CFAP53: variants seen among roughly 807,000 people sequenced by gnomAD.
CFAP53 encodes cilia- and flagella-associated protein 53.
Under a neutral mutation model 59.7 loss-of-function variants are expected in CFAP53, and 62 were observed. That is an observed-to-expected ratio of 1.04 (90% CI 0.85 to 1.28). The LOEUF (loss-of-function observed/expected upper bound fraction) is 1.28, where lower values mean the gene tolerates loss of function less well. Ranked by LOEUF, CFAP53 falls within the 50% of genes most tolerant of loss-of-function variation. The pLI is 0.00. For synonymous variants in CFAP53, 218 were observed against 205.7 expected (o/e 1.06, Z -0.51); for missense variants, 629 against 615.6 (o/e 1.02, Z -0.23).
intron 7 of CFAP53, among the ~76,000 whole-genome samples, chr18:50,236,302 A>G (rs113006401): frequency 6.6e-6 from 1 of 151,998 alleles, no homozygotes; most frequent in Non-Finnish European, 1.5e-5. Flanking sequence ...TACTTTCTCT[A>G]GTTAATCTGC....
In CFAP53 at chr18:50,242,972, G is replaced by A. The variant is rs750818469; in HGVS notation, c.1141C>T (p.Leu381Phe). Residue 381 changes from leucine to phenylalanine, a missense_variant, in exon 6 of 8, where the codon CTT becomes TTT. By Grantham distance (22) the Leu-to-Phe change is conservative. Coordinates refer to ENST00000398545, the MANE Select transcript of CFAP53 (RefSeq NM_145020.5). ...KLAEKDKELRLEKEARRQLVD... is the reference protein window; with the variant it reads ...KLAEKDKELRFEKEARRQLVD... ...AGCTGTCTCCTTGCCTCCTTTTCAA[G>A]TCTCAGCTCCTTGTCCTTCTCAGCC... 1.2e-6 allele frequency: 2 copies of A among 1,614,004 alleles called. No homozygotes were observed. Among genetic ancestry groups the A allele is most frequent in the Admixed American group, 1.7e-5 (1 of 60,016 alleles).
In CFAP53 at chr18:50,249,018, C is replaced by T. The variant is rs1006802593; in HGVS notation, c.996+1740G>A. On this transcript the variant is annotated intron_variant, in intron 5 of 7. Coordinates refer to ENST00000398545, the MANE Select transcript of CFAP53 (RefSeq NM_145020.5). ...AGGAGTTTGAGACCAGCCTGGCCAA[C>T]GTGGCGAAACGCTGTCTCTACTAAA... is the stretch of plus-strand genomic sequence containing the variant. Among the ~76,000 whole-genome samples the T allele has an allele frequency of 1.6e-4, 24 of 151,590 alleles. 1 individual carries two copies. The highest frequency in any genetic ancestry group is 1.2e-3 in the Admixed American group (18 of 15,198).
intron 5 of CFAP53, among the ~76,000 whole-genome samples, chr18:50,245,408 A>C (rs1349757223): frequency 5.4e-5 from 8 of 147,752 alleles, no homozygotes; most frequent in South Asian, 2.1e-4. Flanking sequence ...AAAAAAAAAA[A>C]ACTAATAAAC....
chr18:50,258,241 G>A (rs112127052), intron 3 of CFAP53, among the ~76,000 whole-genome samples: 35 of 152,174 alleles, frequency 2.3e-4, no homozygotes, highest in African/African-American at 7.9e-4. Context: ...GCATGGTACT[G>A]GCATAAAAAC....
intron 5 of CFAP53, among the ~76,000 whole-genome samples, chr18:50,248,576 G>A (rs537659506): frequency 1.3e-4 from 20 of 152,172 alleles, no homozygotes; most frequent in Admixed American, 1.2e-3. Flanking sequence ...TTGAGGTTGG[G>A]AGTTTGAGAC....
chr18:50,240,504 G>A (rs974364913), intron 6 of CFAP53, among the ~76,000 whole-genome samples: 3 of 152,200 alleles, frequency 2.0e-5, no homozygotes, highest in Non-Finnish European at 2.9e-5. Flanking sequence ...GGCCACGTGA[G>A]TCAGGAATAA....
intron 5 of CFAP53, 151 bp downstream of exon 5, chr18:50,250,607 T>C (rs1037470274): frequency 7.8e-6 from 5 of 642,022 alleles, no homozygotes; most frequent in Non-Finnish European, 1.4e-5. Flanking sequence ...AATTTCTGTT[T>C]CTAACATTTT....
intron 1 of CFAP53, among the ~76,000 whole-genome samples, 178 bp downstream of exon 1, chr18:50,266,158 G>C (rs1199991807): frequency 1.3e-5 from 2 of 152,246 alleles, no homozygotes; most frequent in African/African-American, 4.8e-5. Flanking sequence ...TGGGTGAGAG[G>C]TGGGGTAGAT....
At chr18:50,245,062 C>CAA (rs11358725) in intron 5 of CFAP53, among the ~76,000 whole-genome samples, 1 of 81,688 alleles carries the variant, frequency 1.2e-5, no homozygotes, top group African/African-American at 4.8e-5. Flanking sequence ...GACTCTATCT[C>CAA]AAAAAAAAAA....
At chr18:50,246,231 G>A (rs567603535) in intron 5 of CFAP53, among the ~76,000 whole-genome samples, 1 of 152,222 alleles carries the variant, frequency 6.6e-6, no homozygotes, top group African/African-American at 2.4e-5. Flanking sequence ...ACAAAGCTAC[G>A]GTAATCAAGA....
At position 50,244,406 on chromosome 18, in the gene CFAP53, GT is replaced by G. The variant is rs1457630910; in HGVS notation, c.997-1291del. Among the ~76,000 whole-genome samples, 3 of 152,068 alleles carry G rather than the reference GT, an allele frequency of 2.0e-5. No homozygotes were observed. In the South Asian group the frequency reaches 6.2e-4, roughly 32 times the overall value. ...GACGTGCCTTGCTTCCCCTTCCACT[GT>G]GATTTTAAGTTTCCTGAGCCTTCCC... On this transcript the variant is annotated intron_variant, in intron 5 of 7. Transcript: ENST00000398545.
At chr18:50,245,313 C>T (rs1353385107) in intron 5 of CFAP53, among the ~76,000 whole-genome samples, 10 of 143,900 alleles carry the variant, frequency 6.9e-5, no homozygotes, top group African/African-American at 1.8e-4. Context: ...ACCCAGGAAG[C>T]GGAGCTTGCA....
intron 6 of CFAP53, 89 bp downstream of exon 6, chr18:50,242,811 A>C: frequency 9.3e-7 from 1 of 1,077,122 alleles, no homozygotes; most frequent in Non-Finnish European, 1.4e-6. Context: ...GGTGTTTTAC[A>C]TAATAAGTAT....
chr18:50,250,970 T>C lies in CFAP53; in HGVS notation c.784A>G (p.Asn262Asp), dbSNP rs2033793481. The C allele has an allele frequency of 6.2e-7, 1 of 1,613,518 alleles. No individual in the cohort carries two copies. Among genetic ancestry groups the C allele is most frequent in the African/African-American group, 1.3e-5 (1 of 74,918 alleles). Residue 262 changes from asparagine to aspartate, a missense_variant, in exon 5 of 8, where the codon AAC (asparagine) becomes GAC (aspartate). Asn to Asp is a conservative substitution (Grantham distance 23). Transcript: ENST00000398545. ...KEEEARLVESNNAQIKHENEQ... is the reference protein window; with the variant it reads ...KEEEARLVESDNAQIKHENEQ... ...TTCTCATGTTTAATCTGTGCGTTGT[T>C]ACTTTCCTAAGGTAGAATCATAATA...
chr18:50,237,075 G>A (rs2033640972), intron 7 of CFAP53, among the ~76,000 whole-genome samples: 1 of 151,246 alleles, frequency 6.6e-6, no homozygotes, highest in South Asian at 2.1e-4. Flanking sequence ...GGGAGTCCGA[G>A]GTGGGTGGAT....
chr18:50,264,006 T>C (rs2033916373), intron 1 of CFAP53, among the ~76,000 whole-genome samples: 1 of 152,250 alleles, frequency 6.6e-6, no homozygotes, highest in African/African-American at 2.4e-5. Context: ...CTGTTCAATA[T>C]AAATATAATG....
At position 50,261,201 on chromosome 18, in the gene CFAP53, A is replaced by ATT; in HGVS notation, c.335_336insAA (p.Tyr112Ter). 3 of 1,575,450 alleles carry ATT rather than the reference A, an allele frequency of 1.9e-6. No homozygotes were observed. Among genetic ancestry groups the ATT allele is most frequent in the Non-Finnish European group, 2.6e-6 (3 of 1,169,740 alleles). Residue 112 changes from tyrosine to a stop codon, truncating the protein, a stop_gained and frameshift_variant, in exon 3 of 8, where the codon TAT (tyrosine) becomes TAAAT (stop). Transcript: ENST00000398545. LOFTEE classifies it high-confidence loss of function. ...CTTTCTTCAATTGCATTTCTGTAAA[A>ATT]TACTCATTTTCTTCTAATGCTAAAA... ...RELLALEENE[Y>*]FTEMQLKKET...
At chr18:50,232,937 T>C (rs912072888) in intron 7 of CFAP53, among the ~76,000 whole-genome samples, 4 of 152,220 alleles carry the variant, frequency 2.6e-5, no homozygotes, top group African/African-American at 4.8e-5. Flanking sequence ...GAAAGACAGT[T>C]TCTAACATCC....
At chr18:50,229,740 C>CTTTTT (rs141422966) in intron 7 of CFAP53, among the ~76,000 whole-genome samples, 1 of 135,984 alleles carries the variant, frequency 7.4e-6, no homozygotes, top group African/African-American at 2.7e-5. Flanking sequence ...TTTTCTTTTT[C>CTTTTT]TTTTTTTTTT....
Sources: allele counts gnomAD v4.1 joint callset (sites outside exome capture counted in the v4.1 genomes callset), GRCh38; gene constraint gnomAD v4.1.1; transcripts MANE v1.5; gene names NCBI Gene and HGNC (gene_info 2026-07-23, HGNC 2026-07-21).